The following NTN1 variants were observed in gnomAD, a reference collection of about 807,000 sequenced individuals.
NTN1 encodes the protein netrin-1.
Under a neutral mutation model 54.2 loss-of-function variants are expected in NTN1, and 11 were observed. The ratio of observed to expected loss-of-function variants is 0.20; its 90% CI spans 0.13 to 0.34. NTN1 has a LOEUF of 0.34. NTN1 is among the 10% of genes least tolerant of loss of function. The probability of loss-of-function intolerance (pLI) is 1.00; values close to 1 mark genes in which losing one functional copy is unlikely to be tolerated. For synonymous variants in NTN1, 371 were observed against 382.0 expected (o/e 0.97, Z 0.33); for missense variants, 740 against 893.1 (o/e 0.83, Z 2.18).
At chr17:9,022,124 C>T (rs1428410127) in intron 1 of NTN1, among the ~76,000 whole-genome samples, 187 bp from the exon 2 acceptor site, 1 of 152,080 alleles carries the variant, frequency 6.6e-6, no homozygotes, top group Non-Finnish European at 1.5e-5. Context: ...AGAAGGGGCG[C>T]GAGCGGTGCG....
chr17:9,159,322 G>A (rs118155761), intron 2 of NTN1, among the ~76,000 whole-genome samples: 67 of 152,254 alleles, frequency 4.4e-4, no homozygotes, highest in Middle Eastern at 3.4e-3. Context: ...AATTAAAATC[G>A]TCTGTGTGTG....
chr17:9,172,909 C>CAAAAAAAAAA (rs35380506), intron 3 of NTN1: 1 of 57,702 alleles, frequency 1.7e-5, no homozygotes. Context: ...AACTACATCT[C>CAAAAAAAAAA]AAAAAAAAAA....
At position 9,221,202 on chromosome 17, in the gene NTN1, G is replaced by A; in HGVS notation, c.1446G>A (p.Lys482=). 1 of 1,609,670 alleles carries A rather than the reference G, an allele frequency of 6.2e-7. No individual in the cohort carries two copies. Among genetic ancestry groups the A allele is most frequent in the South Asian group, 1.1e-5 (1 of 90,974 alleles). ...CCTACTGCAAGGCCTCCAAGGGGAA[G>A]CTGAAGATTAACATGAAAAAGTACT... ...CDSYCKASKG[K]LKINMKKYCK... The change falls in exon 6 of 7, where the codon AAG becomes AAA. Residue 482 remains lysine, a synonymous_variant. Transcript: ENST00000173229. The surrounding 1 kb of genome is among the most constrained non-coding windows in gnomAD (Gnocchi z 4.5).
chr17:9,240,160 T>G lies in NTN1; in HGVS notation c.*192T>G, dbSNP rs1221512607. On this transcript the variant is annotated 3_prime_UTR_variant, in exon 7 of 7. Transcript: ENST00000173229. ...CCCCCTACCCCCACCCTGCGCGCTC[T>G]GGGCGGGAGCCGCGTGCACGCGGGG... 7 of 216,390 alleles carry G rather than the reference T, an allele frequency of 3.2e-5. No individual in the cohort carries two copies. Among genetic ancestry groups the G allele is most frequent in the African/African-American group, 4.7e-5 (2 of 42,558 alleles). The allele number at this position is 216,390 out of a possible 1,614,324, so 13.4% of individuals were successfully genotyped here. A position where few individuals can be genotyped will look rare whatever the true frequency, so the allele number is the denominator to read the frequency against.
rs187515852 is a variant in NTN1, at chr17:9,237,763, G to C, written c.1487-1877G>C. On this transcript the variant is annotated intron_variant, in intron 6 of 6. Coordinates refer to ENST00000173229, the MANE Select transcript of NTN1 (RefSeq NM_004822.3). ...CTGGGGGTGGCTCCCCCATTGCTTA[G>C]CTAAGGGGCACTCAGTTGCCACGGT... Among the ~76,000 whole-genome samples, 8 of 152,298 alleles carry C rather than the reference G, an allele frequency of 5.3e-5. No individual in the cohort carries two copies. In the East Asian group the frequency reaches 1.5e-3, roughly 29 times the overall value.
intron 2 of NTN1, among the ~76,000 whole-genome samples, chr17:9,106,981 G>T (rs1304253236): frequency 1.3e-5 from 2 of 152,122 alleles, no homozygotes; most frequent in African/African-American, 4.8e-5. Context: ...CGCATTTAAA[G>T]CTGAGGAAGC....
At chr17:9,021,804 G>T (rs2091849012) in intron 1 of NTN1, among the ~76,000 whole-genome samples, 1 of 152,026 alleles carries the variant, frequency 6.6e-6, no homozygotes, top group African/African-American at 2.4e-5. Context: ...AGGCTCTCCG[G>T]CGACCGGCGC....
the NTN1 span, among the ~76,000 whole-genome samples, chr17:9,007,471 TTTCA>T: frequency 9.9e-5 from 15 of 151,202 alleles, no homozygotes; most frequent in African/African-American, 2.7e-4. Flanking sequence ...CTTCTCTTTC[TTTCA>T]TTCATTCATT....
chr17:9,122,228 G>A (rs912518924), intron 2 of NTN1, among the ~76,000 whole-genome samples: 1 of 152,104 alleles, frequency 6.6e-6, no homozygotes, highest in African/African-American at 2.4e-5. Flanking sequence ...TAAAGACGGG[G>A]TTTCACCGTG....
At chr17:9,195,457 CAGGG>C (rs950842444) in intron 5 of NTN1, among the ~76,000 whole-genome samples, 2 of 152,134 alleles carry the variant, frequency 1.3e-5, no homozygotes, top group African/African-American at 4.8e-5. Flanking sequence ...TGACAGGTGT[CAGGG>C]AGAGAGAGGA....
intron 2 of NTN1, 24 bp from the exon 3 acceptor site, chr17:9,162,789 A>G: frequency 6.3e-7 from 1 of 1,588,340 alleles, no homozygotes; most frequent in Non-Finnish European, 8.6e-7. Flanking sequence ...TGCGGCTGAC[A>G]CCTCTCTCTG....
In NTN1 at chr17:9,239,780, G is replaced by T; in HGVS notation, c.1627G>T (p.Ala543Ser). 1.9e-6 allele frequency: 3 copies of T among 1,613,756 alleles called. No homozygotes were observed. Among genetic ancestry groups the T allele is most frequent in the Non-Finnish European group, 2.5e-6 (3 of 1,180,018 alleles). Residue 543 changes from alanine to serine, a missense_variant, in exon 7 of 7, where the codon GCC becomes TCC. By Grantham distance (99) the Ala-to-Ser change is moderately conservative (BLOSUM62 1). Coordinates refer to ENST00000173229, the MANE Select transcript of NTN1 (RefSeq NM_004822.3). This position sits in a 1 kb window ranked among gnomAD's most constrained non-coding sequence, Gnocchi z 5.2. ...CCTGTGGATCCGCTCGCGGGACATC[G>T]CCTGCAAGTGTCCCAAAATCAAGCC... ...QSLWIRSRDI[A>S]CKCPKIKPLK...
Position 9,239,534 on chromosome 17 carries a change from G to A in NTN1, c.1487-106G>A. On this transcript the variant is annotated intron_variant, in intron 6 of 6. Transcript: ENST00000173229. This position sits in a 1 kb window ranked among gnomAD's most constrained non-coding sequence, Gnocchi z 5.2. ...GCTCCTGTATGGGCCACTCTGTGCA[G>A]TCACTTCCTGGGGCTGGGTCTCCTT... The A allele has an allele frequency of 4.4e-6, 5 of 1,146,654 alleles. No homozygotes were observed. Among genetic ancestry groups the A allele is most frequent in the Non-Finnish European group, 5.0e-6 (4 of 799,862 alleles). The allele number at this position is 1,146,654 out of a possible 1,614,324, so 71.0% of individuals were successfully genotyped here.
chr17:9,107,446 C>T (rs2092171273), intron 2 of NTN1, among the ~76,000 whole-genome samples: 1 of 152,136 alleles, frequency 6.6e-6, no homozygotes, highest in Non-Finnish European at 1.5e-5. Context: ...TGACTGTTTC[C>T]AGATTATACA....
At chr17:9,054,125 G>A (rs543493314) in intron 2 of NTN1, among the ~76,000 whole-genome samples, 10 of 152,196 alleles carry the variant, frequency 6.6e-5, no homozygotes, top group African/African-American at 9.7e-5. Context: ...TGATGGGAAC[G>A]AAGGGCGGAC....
At chr17:9,183,437 A>G (rs2092424921) in intron 5 of NTN1, 1 of 406,694 alleles carries the variant, frequency 2.5e-6, no homozygotes, top group East Asian at 7.2e-5. Context: ...GCCTCTAACT[A>G]AAAATTTAGC....
At chr17:9,029,692 G>A (rs549959190) in intron 2 of NTN1, among the ~76,000 whole-genome samples, 9 of 152,278 alleles carry the variant, frequency 5.9e-5, no homozygotes, top group African/African-American at 1.4e-4. Context: ...TTTAATTTGC[G>A]TTTTAAAAGT....
rs541741523 is a variant in NTN1 at position 9,183,283 on chromosome 17, T to C, written c.1411+314T>C. 1.7e-4 allele frequency: 100 copies of C among 595,188 alleles called. No homozygotes were observed. In the African/African-American group the frequency reaches 1.7e-3, roughly 10 times the overall value. The allele number at this position is 595,188 out of a possible 1,614,324, so 36.9% of individuals were successfully genotyped here. On this transcript the variant is annotated intron_variant, in intron 5 of 6. Transcript: ENST00000173229. ...GCCCAACACCTTCCAGGCTGAGGGG[T>C]TGTCACTCCTTCCTGGGGCTGCAGA...
Position 9,092,319 on chromosome 17 carries a change from CTTTTTTTTT to C in NTN1, c.1018+68943_1018+68951del, listed in dbSNP as rs148786553. Among the ~76,000 whole-genome samples, 644 of 91,766 alleles carry C rather than the reference CTTTTTTTTT, an allele frequency of 7.0e-3. 4 individuals carry two copies. Among genetic ancestry groups the C allele is most frequent in the African/African-American group, 0.024 (598 of 25,288 alleles). The allele number at this position is 91,766 out of a possible 152,430, so 60.2% of individuals were successfully genotyped here. A position where few individuals can be genotyped will look rare whatever the true frequency, so the allele number is the denominator to read the frequency against. On this transcript the variant is annotated intron_variant, in intron 2 of 6. Coordinates refer to ENST00000173229, the MANE Select transcript of NTN1 (RefSeq NM_004822.3). The stretch of plus-strand genomic sequence containing the variant: ...GAGAGGCCACATTTTCTTTTCTTCT[CTTTTTTTTT>C]TTTTTTTTTTTTTTGAGACGGGGTC...
Sources: gnomAD v4.1 joint callset for allele counts (sites outside exome capture counted in the v4.1 genomes callset) on GRCh38, gnomAD v4.1.1 for gene constraint, Gnocchi (gnomAD v3.1) non-coding constraint, MANE v1.5 for transcripts, NCBI Gene and HGNC (gene_info 2026-07-23, HGNC 2026-07-21) for gene names.